PTPRK: variants seen among roughly 807,000 people sequenced by gnomAD.
The protein encoded by PTPRK is receptor-type tyrosine-protein phosphatase kappa.
In PTPRK, 75 loss-of-function variants were observed where a neutral mutation model predicts 178.0. The ratio of observed to expected loss-of-function variants is 0.42; its 90% confidence interval spans 0.35 to 0.51. PTPRK has a LOEUF of 0.51. Ranked by LOEUF, PTPRK falls within the 20% of genes least tolerant of loss-of-function variation. The pLI is 0.02. For missense variants in PTPRK, 1,441 were observed against 1,797.8 expected (o/e 0.80, Z 3.59); for synonymous variants, 637 against 620.6 (o/e 1.03, Z -0.39).
At chr6:128,335,958 G>C (rs1830867098) in intron 2 of PTPRK, among the ~76,000 whole-genome samples, 1 of 152,010 alleles carries the variant, frequency 6.6e-6, no homozygotes. Context: ...CAGTTATTTT[G>C]AAAAACAAAA....
intron 29 of PTPRK, among the ~76,000 whole-genome samples, chr6:127,971,532 G>A (rs1031803283): frequency 1.3e-5 from 2 of 152,064 alleles, no homozygotes; most frequent in African/African-American, 2.4e-5. Flanking sequence ...GCAGTCTCCA[G>A]CAATATTGCC....
At chr6:128,262,857 C>CAAAAAAAAAAAAAAAAAAAAAAAA (rs747334195) in intron 3 of PTPRK, among the ~76,000 whole-genome samples, 3 of 75,106 alleles carry the variant, frequency 4.0e-5, no homozygotes, top group African/African-American at 1.5e-4. Flanking sequence ...AACCAATAAC[C>CAAAAAAAAAAAAAAAAAAAAAAAA]AAAAAAAAAA....
chr6:128,322,452 CAATCAAATAAGTAGATGA>C, intron 2 of PTPRK, 142 bp from the exon 3 acceptor site: 1 of 754,802 alleles, frequency 1.3e-6, no homozygotes, highest in South Asian at 1.8e-5. Context: ...AGAAATACAT[CAATCAAATAAGTAGATGA>C]ACTGAATTCT....
intron 15 of PTPRK, chr6:128,004,867 A>G: frequency 2.0e-6 from 1 of 493,502 alleles, no homozygotes; most frequent in Non-Finnish European, 3.6e-6. Flanking sequence ...TGATACAGTA[A>G]TAAAATTCAT....
chr6:128,024,764 C>T (rs1158547542), intron 13 of PTPRK, among the ~76,000 whole-genome samples: 1 of 152,060 alleles, frequency 6.6e-6, no homozygotes, highest in African/African-American at 2.4e-5. Flanking sequence ...GAGCCGAGAT[C>T]GTGGCACTGC....
rs763619585 is a variant in PTPRK, at chr6:127,976,825, T to C, written c.3844-43A>G. 3.7e-6 allele frequency: 6 copies of C among 1,610,746 alleles called. No homozygotes were observed. In the East Asian group the frequency reaches 1.3e-4, roughly 36 times the overall value. ...TGAAAGAAAAAAAAAAAGAGTATTA[T>C]TTTTTCTAGTTAGGAGAGTATAAAG... On this transcript the variant is annotated intron_variant, in intron 26 of 29. Coordinates refer to ENST00000368226, the MANE Select transcript of PTPRK (RefSeq NM_002844.4).
chr6:128,025,360 A>G (rs1774130283), intron 13 of PTPRK, among the ~76,000 whole-genome samples: 3 of 152,188 alleles, frequency 2.0e-5, no homozygotes, highest in African/African-American at 7.2e-5. Context: ...ATTCTTATAC[A>G]TCTTTTGCAA....
intron 15 of PTPRK, chr6:128,000,449 A>C (rs537320425): frequency 1.8e-6 from 1 of 568,974 alleles, no homozygotes; most frequent in Admixed American, 5.0e-5. Context: ...TGTAGCATTC[A>C]TTCCTAAAAA....
intron 3 of PTPRK, among the ~76,000 whole-genome samples, chr6:128,284,933 A>C (rs1473939839): frequency 1.3e-5 from 2 of 152,208 alleles, no homozygotes; most frequent in African/African-American, 2.4e-5. Context: ...GAGTATACAG[A>C]AGTTCATTAA....
chr6:128,223,502 G>C (rs1810774072), intron 5 of PTPRK, among the ~76,000 whole-genome samples: 1 of 151,920 alleles, frequency 6.6e-6, no homozygotes, highest in African/African-American at 2.4e-5. Flanking sequence ...GCTTATATGT[G>C]TGTGTATTAA....
intron 8 of PTPRK, among the ~76,000 whole-genome samples, 178 bp downstream of exon 8, chr6:128,089,512 G>T (rs1200619418): frequency 6.6e-6 from 1 of 152,174 alleles, no homozygotes; most frequent in Non-Finnish European, 1.5e-5. Context: ...TTGGATGCTT[G>T]TCTGAAGAAT....
chr6:128,319,052 G>A (rs1288801704), intron 3 of PTPRK, among the ~76,000 whole-genome samples: 1 of 152,110 alleles, frequency 6.6e-6, no homozygotes, highest in Non-Finnish European at 1.5e-5. Context: ...ATATGTTAGT[G>A]GATCACTGTA....
intron 7 of PTPRK, among the ~76,000 whole-genome samples, chr6:128,103,245 C>G (rs1336892965): frequency 1.3e-5 from 2 of 152,114 alleles, no homozygotes; most frequent in East Asian, 1.9e-4. Flanking sequence ...CACTCCACCC[C>G]CTTTCCGGGT....
chr6:127,973,159 T>TGAAAGCAAA lies in PTPRK; in HGVS notation c.4134-11_4134-3dup. The TGAAAGCAAA allele has an allele frequency of 6.2e-7, 1 of 1,613,726 alleles. No individual in the cohort carries two copies. The highest frequency in any genetic ancestry group is 8.5e-7 in the Non-Finnish European group (1 of 1,179,752). On this transcript the variant is annotated splice_polypyrimidine_tract_variant and splice_region_variant and intron_variant, in intron 28 of 29. Coordinates refer to ENST00000368226, the MANE Select transcript of PTPRK (RefSeq NM_002844.4). ...ATGCCACTTCGCCCGCCACCATTTC[T>TGAAAGCAAA]GAAAGCAAAGAAAGCAAAGGCATTT...
At chr6:128,166,074 A>G (rs1214502736) in intron 7 of PTPRK, among the ~76,000 whole-genome samples, 1 of 151,588 alleles carries the variant, frequency 6.6e-6, no homozygotes, top group Non-Finnish European at 1.5e-5. Flanking sequence ...TTAACTGTTC[A>G]TCGGAGACAC....
intron 8 of PTPRK, among the ~76,000 whole-genome samples, chr6:128,085,547 C>G (rs542550057): frequency 2.0e-5 from 3 of 152,234 alleles, no homozygotes; most frequent in East Asian, 3.9e-4. Context: ...TAATAACTGC[C>G]TATGTTTACC....
At chr6:128,351,287 T>C (rs551180674) in intron 2 of PTPRK, among the ~76,000 whole-genome samples, 2 of 152,332 alleles carry the variant, frequency 1.3e-5, no homozygotes, top group South Asian at 4.1e-4. Flanking sequence ...TCTTATTTTA[T>C]AGAGGCAGAG....
intron 13 of PTPRK, among the ~76,000 whole-genome samples, chr6:128,019,035 A>G (rs1290529738): frequency 6.6e-6 from 1 of 152,150 alleles, no homozygotes; most frequent in African/African-American, 2.4e-5. Flanking sequence ...TACCATGGCT[A>G]CTGGTATTAC....
At chr6:128,334,731 A>C (rs930212284) in intron 2 of PTPRK, among the ~76,000 whole-genome samples, 2 of 152,202 alleles carry the variant, frequency 1.3e-5, no homozygotes, top group African/African-American at 4.8e-5. Context: ...ACACTTCATG[A>C]AATATTCAAA....
Sources: gnomAD v4.1 joint callset for allele counts (sites outside exome capture counted in the v4.1 genomes callset) on GRCh38, gnomAD v4.1.1 for gene constraint, MANE v1.5 for transcripts, NCBI Gene and HGNC (gene_info 2026-07-23, HGNC 2026-07-21) for gene names.